The following GALNT13 variants were observed in gnomAD, a reference collection of about 807,000 sequenced individuals.
The protein encoded by GALNT13 is UDP-GalNAc:polypeptide N-acetylgalactosaminyltransferase 13.
In GALNT13, 28 loss-of-function variants were observed where a neutral mutation model predicts 64.2. That is an observed-to-expected ratio of 0.44 (90% confidence interval 0.32 to 0.60). GALNT13 has a LOEUF of 0.60. GALNT13 is among the 20% of genes least tolerant of loss of function. The pLI, the probability that GALNT13 is intolerant of heterozygous loss-of-function variation, is 0.05. For missense variants in GALNT13, 577 were observed against 669.8 expected (o/e 0.86, Z 1.53); for synonymous variants, 214 against 224.6 (o/e 0.95, Z 0.42).
chr2:154,370,230 A>T (rs1697604798), intron 9 of GALNT13, among the ~76,000 whole-genome samples: 2 of 152,188 alleles, frequency 1.3e-5, no homozygotes, highest in Non-Finnish European at 2.9e-5. Context: ...GAGTGGGAAC[A>T]GATCTTGAAG....
chr2:154,163,722 A>T (rs1435418648), intron 4 of GALNT13, among the ~76,000 whole-genome samples: 1 of 152,206 alleles, frequency 6.6e-6, no homozygotes, highest in Non-Finnish European at 1.5e-5. Flanking sequence ...CACCCTAAGA[A>T]ATAAGTTAAT....
At chr2:153,832,172 G>T in the GALNT13 span, among the ~76,000 whole-genome samples, 1 of 152,070 alleles carries the variant, frequency 6.6e-6, no homozygotes, top group African/African-American at 2.4e-5. Flanking sequence ...TAATCTGACT[G>T]TATCACAATT....
the GALNT13 span, among the ~76,000 whole-genome samples, chr2:153,667,996 C>T: frequency 6.6e-6 from 1 of 151,886 alleles, no homozygotes; most frequent in Admixed American, 6.6e-5. Flanking sequence ...GACTTAAAAC[C>T]AACAAGATCA....
chr2:154,346,056 AC>A (rs1696050712), intron 9 of GALNT13, among the ~76,000 whole-genome samples: 1 of 152,058 alleles, frequency 6.6e-6, no homozygotes, highest in South Asian at 2.1e-4. Flanking sequence ...AAAGTATAGA[AC>A]CTTTAGTTCT....
chr2:153,094,528 A>T, the GALNT13 span, among the ~76,000 whole-genome samples: 1 of 152,182 alleles, frequency 6.6e-6, no homozygotes, highest in Non-Finnish European at 1.5e-5. Context: ...ACAGAATTGG[A>T]AAAAACTACT....
chr2:153,499,728 G>A, the GALNT13 span, among the ~76,000 whole-genome samples: 1 of 152,234 alleles, frequency 6.6e-6, no homozygotes, highest in Non-Finnish European at 1.5e-5. Flanking sequence ...ATATCCAGCT[G>A]GGTAGTGACA....
the GALNT13 span, among the ~76,000 whole-genome samples, chr2:153,327,099 A>T: frequency 6.0e-5 from 9 of 151,064 alleles, no homozygotes; most frequent in African/African-American, 9.7e-5. Flanking sequence ...ATAAAAAAAA[A>T]AATAAATAAA....
the GALNT13 span, among the ~76,000 whole-genome samples, chr2:153,191,275 A>T: frequency 6.6e-6 from 1 of 152,100 alleles, no homozygotes. Flanking sequence ...GAGTGTATTT[A>T]TCATGAAGTG....
At chr2:153,114,969 C>T in the GALNT13 span, among the ~76,000 whole-genome samples, 689 of 152,306 alleles carry the variant, frequency 4.5e-3, 6 homozygotes, top group Non-Finnish European at 4.7e-3. Context: ...TACTTCATCT[C>T]TCTGAGCCTT....
chr2:154,372,034 T>C lies in GALNT13; in HGVS notation c.1157-23957T>C, dbSNP rs146492727. ...TGATATTCAATGAGTTATTACAACA[T>C]ATTAGGAAGAGATGCTCTCATCAAG... is the stretch of plus-strand genomic sequence containing the variant. On this transcript the variant is annotated intron_variant, in intron 9 of 12. Transcript: ENST00000392825. 2.6e-5 allele frequency among the ~76,000 whole-genome samples: 4 copies of C among 152,206 alleles called. No individual in the cohort carries two copies. The East Asian group carries it at 7.7e-4, about 29-fold the overall frequency.
chr2:154,048,725 T>G (rs746109795), intron 3 of GALNT13, among the ~76,000 whole-genome samples: 6 of 152,202 alleles, frequency 3.9e-5, no homozygotes, highest in Non-Finnish European at 1.5e-5. Flanking sequence ...CTGCCACTTA[T>G]TAGAGATAAC....
At chr2:154,405,381 A>G (rs1208254088) in intron 10 of GALNT13, among the ~76,000 whole-genome samples, 1 of 152,090 alleles carries the variant, frequency 6.6e-6, no homozygotes, top group Non-Finnish European at 1.5e-5. Context: ...AGTGACACAT[A>G]TAGAAGATAA....
chr2:153,126,967 G>A, the GALNT13 span, among the ~76,000 whole-genome samples: 1 of 152,140 alleles, frequency 6.6e-6, no homozygotes, highest in Non-Finnish European at 1.5e-5. Context: ...GGCTTTCAGG[G>A]CAGATGTGAG....
intron 4 of GALNT13, among the ~76,000 whole-genome samples, chr2:154,217,323 T>C (rs921080493): frequency 3.9e-5 from 6 of 152,110 alleles, no homozygotes; most frequent in Admixed American, 2.6e-4. Flanking sequence ...AACATATGAA[T>C]GAGCAAAGTA....
chr2:154,232,670 C>G (rs75602490), intron 4 of GALNT13, among the ~76,000 whole-genome samples: 3,536 of 152,110 alleles, frequency 0.023, 120 homozygotes, highest in African/African-American at 0.073. Flanking sequence ...TGAAACCCAG[C>G]TCCACTACAT....
intron 4 of GALNT13, among the ~76,000 whole-genome samples, chr2:154,143,302 G>T (rs1487036423): frequency 6.6e-6 from 1 of 152,120 alleles, no homozygotes; most frequent in African/African-American, 2.4e-5. Context: ...CTCACCTCCT[G>T]CTGTGTGGCT....
chr2:153,102,470 T>A, the GALNT13 span, among the ~76,000 whole-genome samples: 1 of 152,192 alleles, frequency 6.6e-6, no homozygotes, highest in Non-Finnish European at 1.5e-5. Flanking sequence ...CAATTTTCAG[T>A]TTAAAAAATT....
chr2:153,902,037 C>T (rs1253369484), intron 2 of GALNT13, among the ~76,000 whole-genome samples: 1 of 152,144 alleles, frequency 6.6e-6, no homozygotes, highest in Non-Finnish European at 1.5e-5. Flanking sequence ...TTACATCACA[C>T]TGGCCACATT....
At chr2:153,388,954 A>C in the GALNT13 span, among the ~76,000 whole-genome samples, 1 of 152,086 alleles carries the variant, frequency 6.6e-6, no homozygotes, top group Non-Finnish European at 1.5e-5. Context: ...GTAGCTCCTC[A>C]GATAGGGCTA....
Sources: gnomAD v4.1 joint callset for allele counts (sites outside exome capture counted in the v4.1 genomes callset) on GRCh38, gnomAD v4.1.1 for gene constraint, MANE v1.5 for transcripts, NCBI Gene and HGNC (gene_info 2026-07-23, HGNC 2026-07-21) for gene names.